BCHE: variants seen among roughly 807,000 people sequenced by gnomAD.
The protein encoded by BCHE is cholinesterase.
Under a neutral mutation model 51.3 loss-of-function variants are expected in BCHE, and 48 were observed. The ratio of observed to expected loss-of-function variants is 0.94; its 90% CI spans 0.74 to 1.19. The LOEUF is 1.19. BCHE is among the 50% of genes most tolerant of loss of function. BCHE has a pLI of 0.00. For synonymous variants in BCHE, 251 were observed against 238.0 expected, an observed-to-expected ratio of 1.05 and a Z score of -0.50; for missense variants, 847 against 708.2, an observed-to-expected ratio of 1.20 and a Z score of -2.23.
chr3:165,778,095 C>T (rs1712543630), intron 3 of BCHE, among the ~76,000 whole-genome samples: 1 of 151,862 alleles, frequency 6.6e-6, no homozygotes, highest in South Asian at 2.1e-4. Flanking sequence ...CCCCTAACCC[C>T]CAGATTGTTT....
chr3:165,829,938 TG>T lies in BCHE; in HGVS notation c.1095del (p.Phe365LeufsTer9). 5.0e-6 allele frequency: 8 copies of T among 1,613,642 alleles called. No individual in the cohort carries two copies. The highest frequency in any genetic ancestry group is 6.8e-6 in the Non-Finnish European group (8 of 1,179,842). ...TAFLVYGAPGFSKDNNSIITR... is the reference protein window; with the variant it reads ...TAFLVYGAPGXSKDNNSIITR... ...GTTATGATACTATTGTTATCTTTGCTGAAGCCAGGAGCACCATAGACTAAAA... is the reference window on the plus strand; with the variant it reads ...GTTATGATACTATTGTTATCTTTGCTAAGCCAGGAGCACCATAGACTAAAA... On this transcript the variant is annotated frameshift_variant, in exon 2 of 4. Coordinates refer to ENST00000264381, the MANE Select transcript of BCHE (RefSeq NM_000055.4). LOFTEE classifies it high-confidence loss of function.
rs1264340265 is a variant in BCHE at position 165,832,143 on chromosome 3, G to C, written c.-8-1102C>G. ...GACATTTATGAAATAATATTTAATG[G>C]ATGACATAGACTATTAGAAGAGATC... On this transcript the variant is annotated intron_variant, in intron 1 of 3. Coordinates refer to ENST00000264381, the MANE Select transcript of BCHE (RefSeq NM_000055.4). 2.6e-5 allele frequency among the ~76,000 whole-genome samples: 4 copies of C among 152,042 alleles called. No homozygotes were observed. In the East Asian group the frequency reaches 7.7e-4, roughly 29 times the overall value.
At chr3:165,811,867 G>C (rs900318520) in intron 2 of BCHE, among the ~76,000 whole-genome samples, 1 of 152,058 alleles carries the variant, frequency 6.6e-6, no homozygotes, top group South Asian at 2.1e-4. Flanking sequence ...CTAGTAAAAA[G>C]AAATGGGCTT....
chr3:165,819,560 T>C (rs543996221), intron 2 of BCHE, among the ~76,000 whole-genome samples: 7 of 152,146 alleles, frequency 4.6e-5, no homozygotes, highest in Non-Finnish European at 7.4e-5. Flanking sequence ...TTTTATATGG[T>C]TTATACAATG....
chr3:165,786,651 C>A (rs1299602855), intron 2 of BCHE, among the ~76,000 whole-genome samples: 4 of 151,638 alleles, frequency 2.6e-5, no homozygotes, highest in Non-Finnish European at 4.4e-5. Flanking sequence ...GTTTCATTAT[C>A]TTCCCTTATC....
At chr3:165,825,090 G>A (rs1473154810) in intron 2 of BCHE, among the ~76,000 whole-genome samples, 1 of 151,646 alleles carries the variant, frequency 6.6e-6, no homozygotes, top group African/African-American at 2.4e-5. Context: ...AAAATACTGT[G>A]TAGACATACT....
At chr3:165,777,964 C>A (rs992333216) in intron 3 of BCHE, among the ~76,000 whole-genome samples, 1 of 151,848 alleles carries the variant, frequency 6.6e-6, no homozygotes, top group African/African-American at 2.4e-5. Flanking sequence ...ATATGTTAAT[C>A]AAATGTTTAC....
chr3:165,827,943 TCA>T (rs1714794576), intron 2 of BCHE: 1 of 424,346 alleles, frequency 2.4e-6, no homozygotes, highest in East Asian at 7.6e-5. Context: ...TTACCAGCTC[TCA>T]TTCAATCATT....
intron 2 of BCHE, among the ~76,000 whole-genome samples, chr3:165,793,797 A>G (rs758445862): frequency 4.6e-5 from 7 of 152,224 alleles, no homozygotes; most frequent in Non-Finnish European, 1.0e-4. Context: ...CTGTAATCCC[A>G]GCACTTTGGG....
intron 2 of BCHE, among the ~76,000 whole-genome samples, chr3:165,808,142 C>T (rs1713938935): frequency 2.0e-5 from 3 of 152,022 alleles, no homozygotes; most frequent in Admixed American, 2.0e-4. Context: ...TGCCACCACG[C>T]CTGGCTAATT....
intron 3 of BCHE, among the ~76,000 whole-genome samples, chr3:165,785,680 A>G (rs1712918317): frequency 6.6e-6 from 1 of 151,636 alleles, no homozygotes; most frequent in Non-Finnish European, 1.5e-5. Context: ...TTGTGTTTTT[A>G]AATATGTAAA....
At position 165,805,674 on chromosome 3, in the gene BCHE, T is replaced by G. The variant is rs767910289; in HGVS notation, c.1518-19363A>C. Reference sequence around the variant, plus strand: ...AAATCATTAAACATAAAGATCATATTTTTAATCTTTACCAATCTTTTACTT... The same window carrying G: ...AAATCATTAAACATAAAGATCATATGTTTAATCTTTACCAATCTTTTACTT... On this transcript the variant is annotated intron_variant, in intron 2 of 3. Coordinates refer to ENST00000264381, the MANE Select transcript of BCHE (RefSeq NM_000055.4). 3.9e-4 allele frequency among the ~76,000 whole-genome samples: 60 copies of G among 152,178 alleles called. 1 individual carries two copies. Among genetic ancestry groups the G allele is most frequent in the Non-Finnish European group, 7.8e-4 (53 of 68,022 alleles).
intron 1 of BCHE, among the ~76,000 whole-genome samples, chr3:165,835,123 G>T (rs1261270790): frequency 6.6e-6 from 1 of 151,732 alleles, no homozygotes; most frequent in Non-Finnish European, 1.5e-5. Context: ...TTGGAATTAA[G>T]AAAATTTACT....
chr3:165,800,967 A>G (rs1376216717), intron 2 of BCHE, among the ~76,000 whole-genome samples: 1 of 152,174 alleles, frequency 6.6e-6, no homozygotes, highest in Non-Finnish European at 1.5e-5. Context: ...AATTTTTTTA[A>G]TAATGTGGTA....
intron 2 of BCHE, among the ~76,000 whole-genome samples, chr3:165,806,132 T>C (rs1437645275): frequency 6.6e-6 from 1 of 151,894 alleles, no homozygotes; most frequent in African/African-American, 2.4e-5. Context: ...CATTCTCCCC[T>C]CACATTAAAA....
At position 165,830,074 on chromosome 3, in the gene BCHE, C is replaced by T. The variant is rs368885671; in HGVS notation, c.960G>A (p.Pro320=). 4.6e-5 allele frequency: 74 copies of T among 1,613,418 alleles called. No homozygotes were observed. In the African/African-American group the frequency reaches 6.5e-4, roughly 14 times the overall value. ...CAGTGAGAAAATCACCATCCACGGT[C>T]GGACCAAAGTTTACTGACAAAGGAG... is the stretch of plus-strand genomic sequence containing the variant. ...YGTPLSVNFG[P]TVDGDFLTDM... The change falls in exon 2 of 4, where the codon CCG becomes CCA. Residue 320 remains proline, a synonymous_variant. Transcript: ENST00000264381.
intron 2 of BCHE, among the ~76,000 whole-genome samples, chr3:165,791,797 A>G (rs1056955730): frequency 2.6e-5 from 4 of 151,994 alleles, no homozygotes; most frequent in Non-Finnish European, 5.9e-5. Flanking sequence ...TACTGAAAAT[A>G]CAAAAATTAC....
At chr3:165,833,868 A>T (rs1715080450) in intron 1 of BCHE, among the ~76,000 whole-genome samples, 1 of 152,118 alleles carries the variant, frequency 6.6e-6, no homozygotes, top group African/African-American at 2.4e-5. Context: ...GTTCGTTCTA[A>T]GCTGCAATTT....
intron 2 of BCHE, among the ~76,000 whole-genome samples, chr3:165,794,034 G>C (rs1017034979): frequency 6.7e-6 from 1 of 150,152 alleles, no homozygotes; most frequent in Admixed American, 6.6e-5. Context: ...GCGATGGAGC[G>C]ACACTCCATC....
Sources: gnomAD v4.1 joint callset for allele counts (sites outside exome capture counted in the v4.1 genomes callset) on GRCh38, gnomAD v4.1.1 for gene constraint, MANE v1.5 for transcripts, NCBI Gene and HGNC (gene_info 2026-07-23, HGNC 2026-07-21) for gene names.